The following COL14A1 variants were observed in gnomAD, a reference collection of about 807,000 sequenced individuals.
COL14A1 encodes collagen alpha-1(XIV) chain.
In COL14A1, 136 loss-of-function variants were observed where a neutral mutation model predicts 230.3. The ratio of observed to expected loss-of-function variants is 0.59; its 90% confidence interval spans 0.51 to 0.68. COL14A1 has a LOEUF of 0.68. Among genes scored for constraint, COL14A1 ranks in the 30% least tolerant of loss-of-function variants. COL14A1 has a pLI of 0.00. For missense variants in COL14A1, 1,976 were observed against 2,215.8 expected (o/e 0.89, Z 2.17); for synonymous variants, 792 against 784.1 (o/e 1.01, Z -0.17).
intron 1 of COL14A1, among the ~76,000 whole-genome samples, chr8:120,127,871 T>A (rs1169504857): frequency 6.6e-6 from 1 of 152,160 alleles, no homozygotes; most frequent in African/African-American, 2.4e-5. Context: ...TTCCTAGAAC[T>A]GCTGCATGAT....
At chr8:120,244,162 C>CA (rs775757612) in intron 20 of COL14A1, among the ~76,000 whole-genome samples, 154 bp downstream of exon 20, 8 of 152,204 alleles carry the variant, frequency 5.3e-5, no homozygotes, top group Non-Finnish European at 7.4e-5. Context: ...TTTACACACA[C>CA]AAGCTATGTG....
chr8:120,152,469 CAAAAAAAAAAAAA>C, intron 2 of COL14A1, among the ~76,000 whole-genome samples: 1 of 59,610 alleles, frequency 1.7e-5, no homozygotes, highest in East Asian at 5.1e-4. Context: ...GATTCCATCT[CAAAAAAAAAAAAA>C]AAAAAAAAAA....
intron 19 of COL14A1, among the ~76,000 whole-genome samples, chr8:120,235,453 A>AC (rs1166948490): frequency 1.3e-5 from 2 of 151,922 alleles, no homozygotes; most frequent in African/African-American, 4.8e-5. Flanking sequence ...ACAGGCATGC[A>AC]CCACCCCTGC....
chr8:120,269,836 A>G (rs1819606205), intron 25 of COL14A1, among the ~76,000 whole-genome samples, 199 bp from the exon 26 acceptor site: 1 of 151,794 alleles, frequency 6.6e-6, no homozygotes, highest in Non-Finnish European at 1.5e-5. Flanking sequence ...GTCATGAATA[A>G]GAACCTTGAG....
rs1563666190 is a variant in COL14A1, at chr8:120,197,803, T to A, written c.593-8T>A. ...ATTCCTGGTGCGTTTCCTAATCTTT[T>A]TTTCCAGGTCTTGCACAGTATAGTG... On this transcript the variant is annotated splice_region_variant and splice_polypyrimidine_tract_variant and intron_variant, in intron 6 of 47. Transcript: ENST00000297848. 2 of 1,600,618 alleles carry A rather than the reference T, an allele frequency of 1.2e-6. No individual in the cohort carries two copies.
chr8:120,257,465 G>A (rs1188500061), intron 23 of COL14A1, among the ~76,000 whole-genome samples: 1 of 152,158 alleles, frequency 6.6e-6, no homozygotes, highest in Non-Finnish European at 1.5e-5. Context: ...TGTGGGGGTG[G>A]CAGTAGGAAA....
chr8:120,257,837 G>C (rs1460246576), intron 23 of COL14A1, among the ~76,000 whole-genome samples: 2 of 152,260 alleles, frequency 1.3e-5, no homozygotes, highest in East Asian at 3.9e-4. Flanking sequence ...CTTACAGTTT[G>C]ATGGGTAATT....
At chr8:120,286,036 C>T (rs1820190488) in intron 33 of COL14A1, 66 bp downstream of exon 33, 1 of 936,130 alleles carries the variant, frequency 1.1e-6, no homozygotes, top group Non-Finnish European at 1.7e-6. Flanking sequence ...CATTTAAAAA[C>T]AATTCCATAG....
chr8:120,331,667 GA>G (rs1821870155), intron 40 of COL14A1, among the ~76,000 whole-genome samples: 1 of 152,048 alleles, frequency 6.6e-6, no homozygotes, highest in Non-Finnish European at 1.5e-5. Context: ...ATTGCCACAC[GA>G]AATCCTCCCA....
At chr8:120,159,388 C>G (rs1214419564) in intron 3 of COL14A1, among the ~76,000 whole-genome samples, 1 of 152,082 alleles carries the variant, frequency 6.6e-6, no homozygotes, top group East Asian at 1.9e-4. Flanking sequence ...CATTAGTTCT[C>G]CAAGGATCCA....
At chr8:120,330,008 A>C (rs976955203) in intron 40 of COL14A1, among the ~76,000 whole-genome samples, 1 of 152,118 alleles carries the variant, frequency 6.6e-6, no homozygotes, top group African/African-American at 2.4e-5. Flanking sequence ...TTGGCCTTTA[A>C]GATTGCTCCA....
chr8:120,325,376 T>C (rs1352199437), intron 40 of COL14A1, among the ~76,000 whole-genome samples: 1 of 152,220 alleles, frequency 6.6e-6, no homozygotes, highest in Non-Finnish European at 1.5e-5. Flanking sequence ...TTTCATGCAT[T>C]TTTTAAAAAA....
chr8:120,339,432 C>A (rs932214125), intron 42 of COL14A1, among the ~76,000 whole-genome samples: 3 of 152,164 alleles, frequency 2.0e-5, no homozygotes, highest in African/African-American at 7.2e-5. Flanking sequence ...AGGTTGGAAT[C>A]CTTTCCTCGG....
At chr8:120,129,245 C>T (rs1286123493) in intron 1 of COL14A1, among the ~76,000 whole-genome samples, 1 of 152,142 alleles carries the variant, frequency 6.6e-6, no homozygotes, top group East Asian at 1.9e-4. Context: ...ACAGGAAGAG[C>T]ACCTGACCCC....
At chr8:120,185,247 ATGT>A (rs1442543219) in intron 5 of COL14A1, among the ~76,000 whole-genome samples, 2 of 152,184 alleles carry the variant, frequency 1.3e-5, no homozygotes, top group East Asian at 3.8e-4. Context: ...ATGGCTTCTG[ATGT>A]TGTCTCCCAC....
chr8:120,342,268 G>A (rs1222213699), intron 43 of COL14A1, 112 bp from the exon 44 acceptor site: 2 of 1,066,088 alleles, frequency 1.9e-6, no homozygotes, highest in Non-Finnish European at 1.4e-6. Flanking sequence ...GTTGCTAGGG[G>A]CCAAAGATCC....
At chr8:120,297,468 T>A in intron 34 of COL14A1, 43 bp from the exon 35 acceptor site, 1 of 969,380 alleles carries the variant, frequency 1.0e-6, no homozygotes, top group Non-Finnish European at 1.4e-6. Flanking sequence ...AAAGATAATT[T>A]ATATATATTT....
chr8:120,362,808 G>A (rs1159315624), intron 45 of COL14A1, among the ~76,000 whole-genome samples: 1 of 152,180 alleles, frequency 6.6e-6, no homozygotes, highest in African/African-American at 2.4e-5. Flanking sequence ...AGTAGGAGGA[G>A]ATGGAGGGAG....
intron 36 of COL14A1, among the ~76,000 whole-genome samples, chr8:120,304,676 T>C (rs932913951): frequency 6.6e-6 from 1 of 152,214 alleles, no homozygotes; most frequent in Non-Finnish European, 1.5e-5. Context: ...CTTTGTCTAA[T>C]TTTTTAATTT....
Sources: allele counts gnomAD v4.1 joint callset (sites outside exome capture counted in the v4.1 genomes callset), GRCh38; gene constraint gnomAD v4.1.1; transcripts MANE v1.5; gene names NCBI Gene and HGNC (gene_info 2026-07-23, HGNC 2026-07-21).